CMTM7: variants seen among roughly 807,000 people sequenced by gnomAD.
CMTM7 encodes the protein CKLF-like MARVEL transmembrane domain-containing protein 7.
CMTM7 carries 7 observed loss-of-function variants against 19.3 expected under a neutral mutation model. That is an observed-to-expected ratio of 0.36 (90% CI 0.21 to 0.68). The LOEUF (loss-of-function observed/expected upper bound fraction) is 0.68. Among genes scored for constraint, CMTM7 ranks in the 30% least tolerant of loss-of-function variants. The probability of loss-of-function intolerance (pLI) is 0.60; values close to 1 mark genes in which losing one functional copy is unlikely to be tolerated. For synonymous variants in CMTM7, 87 were observed against 99.3 expected (o/e 0.88, Z 0.74); for missense variants, 193 against 232.6 (o/e 0.83, Z 1.11).
intron 1 of CMTM7, among the ~76,000 whole-genome samples, chr3:32,416,984 T>C (rs916809804): frequency 9.9e-5 from 15 of 152,200 alleles, no homozygotes; most frequent in African/African-American, 3.4e-4. Flanking sequence ...TTCTTTTAAG[T>C]TTTTTAAATA....
rs1696793745 is a variant in CMTM7 at position 32,449,177 on chromosome 3, T to C, written c.334-277T>C. The stretch of plus-strand genomic sequence containing the variant: ...ATTGCTCTCAGGAGTAGAGGAGTCC[T>C]TAGTGGCTATCTCTGCTCACACCAG... On this transcript the variant is annotated intron_variant, in intron 2 of 4. Coordinates refer to ENST00000334983, the MANE Select transcript of CMTM7 (RefSeq NM_138410.4). The surrounding 1 kb of genome is among the most constrained non-coding windows in gnomAD (Gnocchi z 4.5). 6.6e-6 allele frequency among the ~76,000 whole-genome samples: 1 copy of C among 152,218 alleles called. No homozygotes were observed. The highest frequency in any genetic ancestry group is 6.5e-5 in the Admixed American group (1 of 15,276).
intron 4 of CMTM7, among the ~76,000 whole-genome samples, chr3:32,453,771 T>A (rs1249018653): frequency 1.3e-5 from 2 of 152,198 alleles, no homozygotes; most frequent in African/African-American, 4.8e-5. Flanking sequence ...CCTGTGAATA[T>A]ACTGAAAAAC....
At position 32,454,383 on chromosome 3, in the gene CMTM7, A is replaced by T. The variant is rs889937249; in HGVS notation, c.*129A>T. 34 of 1,116,576 alleles carry T rather than the reference A, an allele frequency of 3.0e-5. No individual in the cohort carries two copies. The highest frequency in any genetic ancestry group is 1.2e-4 in the Admixed American group (6 of 51,490). 69.2% of individuals were successfully genotyped at this position (1,116,576 alleles called of 1,614,324 possible). The stretch of plus-strand genomic sequence containing the variant: ...CTGGTGGGCACCAGGAAAGGCCTGC[A>T]CCCTCTTCCTGCTCTCCCAGGAAGC... On this transcript the variant is annotated 3_prime_UTR_variant, in exon 5 of 5. Transcript: ENST00000334983.
At chr3:32,409,283 C>A (rs537388086) in intron 1 of CMTM7, among the ~76,000 whole-genome samples, 2 of 152,204 alleles carry the variant, frequency 1.3e-5, no homozygotes, top group Non-Finnish European at 2.9e-5. Context: ...CGTTTGTTAC[C>A]ATTTTACATT....
chr3:32,427,711 AG>A (rs1696454307), intron 1 of CMTM7, among the ~76,000 whole-genome samples: 1 of 152,170 alleles, frequency 6.6e-6, no homozygotes, highest in African/African-American at 2.4e-5. Flanking sequence ...TAGAAGCAGG[AG>A]TTTGGCAGGG....
Position 32,454,403 on chromosome 3 carries a change from G to A in CMTM7, c.*149G>A, listed in dbSNP as rs763245928. On this transcript the variant is annotated 3_prime_UTR_variant, in exon 5 of 5. Coordinates refer to ENST00000334983, the MANE Select transcript of CMTM7 (RefSeq NM_138410.4). ...CCTGCACCCTCTTCCTGCTCTCCCA[G>A]GAAGCCAGCTCCCTGAGCTCCTGAG... 3 of 943,294 alleles carry A rather than the reference G, an allele frequency of 3.2e-6. No homozygotes were observed. The highest frequency in any genetic ancestry group is 2.1e-4 in the Middle Eastern group (1 of 4,780). The allele number at this position is 943,294 out of a possible 1,614,324, so 58.4% of individuals were successfully genotyped here. A position where few individuals can be genotyped will look rare whatever the true frequency, so the allele number is the denominator to read the frequency against.
chr3:32,447,230 T>G (rs1326085092), intron 2 of CMTM7, among the ~76,000 whole-genome samples: 1 of 152,238 alleles, frequency 6.6e-6, no homozygotes, highest in Non-Finnish European at 1.5e-5. Context: ...CTGATTTCCC[T>G]CTGCTCTTGA....
intron 1 of CMTM7, among the ~76,000 whole-genome samples, chr3:32,411,859 A>G (rs1237285151): frequency 6.6e-6 from 1 of 152,156 alleles, no homozygotes; most frequent in Non-Finnish European, 1.5e-5. Flanking sequence ...CAGGCGGATC[A>G]TTTGAGGTCA....
rs774894601 is a variant in CMTM7 at position 32,452,381 on chromosome 3, C to G, written c.433-11C>G. The stretch of plus-strand genomic sequence containing the variant: ...GGCCTGTGAACTTCCTCTCCCCTCT[C>G]TCCACTGCAGATCTTTGGTTTCATG... On this transcript the variant is annotated splice_polypyrimidine_tract_variant and intron_variant, in intron 3 of 4. Transcript: ENST00000334983. The G allele has an allele frequency of 5.0e-6, 8 of 1,614,084 alleles. No homozygotes were observed. The highest frequency in any genetic ancestry group is 5.9e-6 in the Non-Finnish European group (7 of 1,180,044).
chr3:32,441,775 G>C (rs878985097), intron 1 of CMTM7, 65 bp from the exon 2 acceptor site: 1 of 1,458,180 alleles, frequency 6.9e-7, no homozygotes. Flanking sequence ...GTTGTTTTCC[G>C]TTGTTTGTTC....
chr3:32,415,262 C>T (rs1559405235), intron 1 of CMTM7, among the ~76,000 whole-genome samples: 1 of 152,146 alleles, frequency 6.6e-6, no homozygotes, highest in Non-Finnish European at 1.5e-5. Flanking sequence ...AACGCATCCC[C>T]TTGTGGATAC....
At chr3:32,399,358 G>A (rs1180483180) in intron 1 of CMTM7, among the ~76,000 whole-genome samples, 1 of 151,070 alleles carries the variant, frequency 6.6e-6, no homozygotes, top group Non-Finnish European at 1.5e-5. Context: ...AATTTTGACA[G>A]TGCAATTTTG....
intron 1 of CMTM7, among the ~76,000 whole-genome samples, chr3:32,394,769 C>T (rs1695890408): frequency 1.3e-5 from 2 of 150,754 alleles, no homozygotes; most frequent in Admixed American, 6.6e-5. Context: ...GATCTCAGCT[C>T]ACTGCAACCT....
chr3:32,439,237 A>G (rs1696642285), intron 1 of CMTM7, among the ~76,000 whole-genome samples: 1 of 152,200 alleles, frequency 6.6e-6, no homozygotes. Flanking sequence ...ACAAATGTTG[A>G]GGGACTCTTT....
At chr3:32,423,612 C>A (rs939844466) in intron 1 of CMTM7, among the ~76,000 whole-genome samples, 1 of 152,166 alleles carries the variant, frequency 6.6e-6, no homozygotes, top group African/African-American at 2.4e-5. Flanking sequence ...CAGCAGTTAG[C>A]CCCGTCAGAG....
At chr3:32,394,764 C>T (rs1424013157) in intron 1 of CMTM7, among the ~76,000 whole-genome samples, 4 of 151,312 alleles carry the variant, frequency 2.6e-5, no homozygotes, top group African/African-American at 9.7e-5. Context: ...GGAACGATCT[C>T]AGCTCACTGC....
At chr3:32,404,061 G>A (rs939409537) in intron 1 of CMTM7, among the ~76,000 whole-genome samples, 2 of 151,918 alleles carry the variant, frequency 1.3e-5, no homozygotes, top group East Asian at 3.9e-4. Flanking sequence ...AAGAGAGAGA[G>A]GATCTAAAGT....
At chr3:32,410,985 C>T (rs1433073588) in intron 1 of CMTM7, among the ~76,000 whole-genome samples, 1 of 152,232 alleles carries the variant, frequency 6.6e-6, no homozygotes, top group African/African-American at 2.4e-5. Flanking sequence ...GTTTGTGATA[C>T]CTTTCCTCAC....
chr3:32,452,468 C>G lies in CMTM7; in HGVS notation c.509C>G (p.Ser170Cys). Residue 170 changes from serine to cysteine, a missense_variant, in exon 4 of 5, where the codon TCC becomes TGC. Transcript: ENST00000334983. ...LSYKISCVTQ[S>C]TDAAV ...TATAAGATCTCGTGTGTAACCCAGT[C>G]CACAGGTGAGTTCTGGTTATCTGTG... 4.3e-6 allele frequency: 7 copies of G among 1,614,036 alleles called. No individual in the cohort carries two copies. Among genetic ancestry groups the G allele is most frequent in the Non-Finnish European group, 5.9e-6 (7 of 1,179,958 alleles).
Sources: gnomAD v4.1 joint callset for allele counts (sites outside exome capture counted in the v4.1 genomes callset) on GRCh38, gnomAD v4.1.1 for gene constraint, Gnocchi (gnomAD v3.1) non-coding constraint, MANE v1.5 for transcripts, NCBI Gene and HGNC (gene_info 2026-07-23, HGNC 2026-07-21) for gene names.